TBR1: variants seen among roughly 807,000 people sequenced by gnomAD.
The protein encoded by TBR1 is T-box brain protein 1.
A neutral mutation model predicts 60.3 loss-of-function variants in TBR1; 7 were observed. The ratio of observed to expected loss-of-function variants is 0.12; its 90% confidence interval spans 0.07 to 0.22. The LOEUF (loss-of-function observed/expected upper bound fraction) is 0.22, where lower values mean the gene tolerates loss of function less well. Ranked by LOEUF, TBR1 falls within the 10% of genes least tolerant of loss-of-function variation. The pLI is 1.00. For missense variants in TBR1, 616 were observed against 936.8 expected (o/e 0.66, Z 4.47); for synonymous variants, 417 against 409.9 (o/e 1.02, Z -0.21).
At position 161,417,574 on chromosome 2, in the gene TBR1, A is replaced by G; in HGVS notation, c.693-102A>G. On this transcript the variant is annotated intron_variant, in intron 1 of 5. Transcript: ENST00000389554. This position sits in a 1 kb window ranked among gnomAD's most constrained non-coding sequence, Gnocchi z 5.3. ...ATATTCGCCTATTTGCTGCAAGTACAAGTTTTGCTTTGCTAACTGGCGCCC... is the reference window on the plus strand; with the variant it reads ...ATATTCGCCTATTTGCTGCAAGTACGAGTTTTGCTTTGCTAACTGGCGCCC... 1.4e-6 allele frequency: 2 copies of G among 1,413,662 alleles called. No individual in the cohort carries two copies. The highest frequency in any genetic ancestry group is 1.9e-6 in the Non-Finnish European group (2 of 1,040,796). 87.6% of individuals were successfully genotyped at this position (1,413,662 alleles called of 1,614,324 possible).
At chr2:161,420,165 T>C (rs768211070) in intron 4 of TBR1, 31 bp from the exon 5 acceptor site, 1 of 1,588,748 alleles carries the variant, frequency 6.3e-7, no homozygotes, top group Non-Finnish European at 8.6e-7. Flanking sequence ...GTATAAAAGG[T>C]GAGATAACAT....
chr2:161,419,197 TC>T, intron 4 of TBR1, 147 bp downstream of exon 4: 3 of 1,191,466 alleles, frequency 2.5e-6, no homozygotes, highest in Non-Finnish European at 3.5e-6. Context: ...GGCTTAGGGC[TC>T]GGGGCCTGCC....
At position 161,417,249 on chromosome 2, in the gene TBR1, T is replaced by A. The variant is rs1684139374; in HGVS notation, c.692+147T>A. ...TGGCTAGTTTTGGAAAGGGGGAAAG[T>A]GGAAGGGATAACCGCCAGGGTGATG... On this transcript the variant is annotated intron_variant, in intron 1 of 5. Transcript: ENST00000389554. The surrounding 1 kb of genome is among the most constrained non-coding windows in gnomAD (Gnocchi z 5.3). 7.5e-6 allele frequency: 6 copies of A among 803,792 alleles called. No individual in the cohort carries two copies. The South Asian group carries it at 1.1e-4, about 15-fold the overall frequency. The allele number at this position is 803,792 out of a possible 1,614,324, so 49.8% of individuals were successfully genotyped here. A position where few individuals can be genotyped will look rare whatever the true frequency, so the allele number is the denominator to read the frequency against.
Position 161,425,727 on chromosome 2 carries a change from ATGT to A in TBR1, c.*1504_*1506del, listed in dbSNP as rs1347005474. 1 of 152,144 alleles carries A rather than the reference ATGT, an allele frequency of 6.6e-6. No individual in the cohort carries two copies. The highest frequency in any genetic ancestry group is 1.5e-5 in the Non-Finnish European group (1 of 68,026). The allele number at this position is 152,144 out of a possible 1,614,324, so 9.4% of individuals were successfully genotyped here. On this transcript the variant is annotated 3_prime_UTR_variant, in exon 6 of 6. Coordinates refer to ENST00000389554, the MANE Select transcript of TBR1 (RefSeq NM_006593.4). The stretch of plus-strand genomic sequence containing the variant: ...ATATTTTGGCTCTTCTGTAAATCTA[ATGT>A]TGTGATTTTTATATTTGTTTCGTTT...
rs1416425334 is a variant in TBR1 at position 161,424,074 on chromosome 2, C to T, written c.1896C>T (p.Tyr632=). ...TCGACTCCAGCGACTCGGGGATTTA[C>T]GAGCAGGCCAAGCGGAGGCGGATCT... ...KSIDSSDSGI[Y]EQAKRRRISP... Residue 632 remains tyrosine, a synonymous_variant, in exon 6 of 6, where the codon TAC becomes TAT. Coordinates refer to ENST00000389554, the MANE Select transcript of TBR1 (RefSeq NM_006593.4). This position sits in a 1 kb window ranked among gnomAD's most constrained non-coding sequence, Gnocchi z 4.4. 5 of 1,611,116 alleles carry T rather than the reference C, an allele frequency of 3.1e-6. No homozygotes were observed. The highest frequency in any genetic ancestry group is 4.2e-6 in the Non-Finnish European group (5 of 1,179,016).
chr2:161,416,972 C>G lies in TBR1; in HGVS notation c.562C>G (p.Pro188Ala). The change falls in exon 1 of 6, where the codon CCG becomes GCG. Residue 188 changes from proline to alanine, a missense_variant. This residue lies in a region of TBR1 where 211 missense variants were observed against 268.7 expected (regional missense o/e 0.79). Coordinates refer to ENST00000389554, the MANE Select transcript of TBR1 (RefSeq NM_006593.4). This position sits in a 1 kb window ranked among gnomAD's most constrained non-coding sequence, Gnocchi z 6.1. ...GTACGGCCACTCCTACCAAGGAGCT[C>G]CGTTCTACCAGTTCTCCTCCACCCA... ...QQYGHSYQGA[P>A]FYQFSSTQPG... The G allele has an allele frequency of 6.2e-7, 1 of 1,614,210 alleles. No homozygotes were observed. The highest frequency in any genetic ancestry group is 8.5e-7 in the Non-Finnish European group (1 of 1,180,046).
intron 2 of TBR1, 182 bp from the exon 3 acceptor site, chr2:161,418,019 A>G: frequency 1.4e-6 from 2 of 1,449,998 alleles, no homozygotes; most frequent in Non-Finnish European, 1.8e-6. Flanking sequence ...TATTTTAATC[A>G]CCCCCAGTTA....
rs1684142803 is a variant in TBR1 at position 161,417,492 on chromosome 2, C to T, written c.693-184C>T. On this transcript the variant is annotated intron_variant, in intron 1 of 5. Coordinates refer to ENST00000389554, the MANE Select transcript of TBR1 (RefSeq NM_006593.4). This position sits in a 1 kb window ranked among gnomAD's most constrained non-coding sequence, Gnocchi z 5.3. ...CCCACTCCAGCTCACCCGCCGCTCT[C>T]CCTGATTTGGGTTGCACTTCTTTTC... The T allele has an allele frequency of 1.3e-6, 1 of 784,388 alleles. No individual in the cohort carries two copies. 48.6% of individuals were successfully genotyped at this position (784,388 alleles called of 1,614,324 possible).
Position 161,416,767 on chromosome 2 carries a change from T to A in TBR1, c.357T>A (p.Ala119=). The A allele has an allele frequency of 6.2e-7, 1 of 1,614,092 alleles. No individual in the cohort carries two copies. The highest frequency in any genetic ancestry group is 8.5e-7 in the Non-Finnish European group (1 of 1,180,020). ...GCCAGCCACAGTCTGCGGCCACTGC[T>A]CCCAGTGCCATGTTCCCGTACCCCG... is the stretch of plus-strand genomic sequence containing the variant. ...QSSQPQSAAT[A]PSAMFPYPGQ... The change falls in exon 1 of 6, where the codon GCT becomes GCA. Residue 119 remains alanine (A), a synonymous_variant. Transcript: ENST00000389554. This position sits in a 1 kb window ranked among gnomAD's most constrained non-coding sequence, Gnocchi z 6.1.
rs1684179890 is a variant in TBR1, at chr2:161,418,906, G to A, written c.984G>A (p.Gln328=). 6.2e-7 allele frequency: 1 copy of A among 1,613,832 alleles called. No homozygotes were observed. Among genetic ancestry groups the A allele is most frequent in the African/African-American group, 1.3e-5 (1 of 74,904 alleles). ...CCGCCGGACAGATGGTGGTTTTACAGTCCTTGCACAAGTACCAGCCCCGCC... is the reference window on the plus strand; with the variant it reads ...CCGCCGGACAGATGGTGGTTTTACAATCCTTGCACAAGTACCAGCCCCGCC... The part of the protein sequence containing the change: ...SNNNGQMVVL[Q]SLHKYQPRLH... Residue 328 remains glutamine (Q), a synonymous_variant, in exon 4 of 6, where the codon CAG becomes CAA. Transcript: ENST00000389554.
chr2:161,418,131 T>C (rs1684163918), intron 2 of TBR1, 70 bp from the exon 3 acceptor site: 2 of 1,528,628 alleles, frequency 1.3e-6, no homozygotes, highest in East Asian at 2.3e-5. Flanking sequence ...TGTGTGTGTG[T>C]CCTACGTGGT....
At position 161,423,597 on chromosome 2, in the gene TBR1, C is replaced by T. The variant is rs1235590342; in HGVS notation, c.1419C>T (p.Ala473=). 1.3e-6 allele frequency: 2 copies of T among 1,536,468 alleles called. No homozygotes were observed. The highest frequency in any genetic ancestry group is 1.8e-4 in the Middle Eastern group (1 of 5,708). The part of the protein sequence containing the change: ...HTNGLLSPQQ[A]EDPGAPSPQR... ...ACGGGCTGCTGTCGCCGCAGCAGGC[C>T]GAGGACCCGGGCGCGCCCTCGCCGC... The change falls in exon 6 of 6, where the codon GCC becomes GCT. Residue 473 remains alanine (A), a synonymous_variant. Transcript: ENST00000389554.
rs1372160067 is a variant in TBR1, at chr2:161,416,995, C to A, written c.585C>A (p.Thr195=). 6.2e-7 allele frequency: 1 copy of A among 1,614,074 alleles called. No homozygotes were observed. The highest frequency in any genetic ancestry group is 1.3e-5 in the African/African-American group (1 of 74,954). ...QGAPFYQFSS[T]QPGLVPGKAQ... ...CTCCGTTCTACCAGTTCTCCTCCAC[C>A]CAGCCGGGGCTGGTGCCCGGCAAAG... is the stretch of plus-strand genomic sequence containing the variant. Residue 195 remains threonine (T), a synonymous_variant, in exon 1 of 6, where the codon ACC becomes ACA. Coordinates refer to ENST00000389554, the MANE Select transcript of TBR1 (RefSeq NM_006593.4). This position sits in a 1 kb window ranked among gnomAD's most constrained non-coding sequence, Gnocchi z 6.1.
intron 3 of TBR1, 142 bp downstream of exon 3, chr2:161,418,464 C>T: frequency 8.0e-7 from 1 of 1,245,536 alleles, no homozygotes; most frequent in Non-Finnish European, 1.1e-6. Flanking sequence ...TATTTCCACC[C>T]TCCAAATTTA....
At position 161,424,342 on chromosome 2, in the gene TBR1, A is replaced by G; in HGVS notation, c.*115A>G. ...CTTGCGCACCCACTCATTTTATTTG[A>G]CCCTCGATGGCCGTCTGCAGCGAAT... On this transcript the variant is annotated 3_prime_UTR_variant, in exon 6 of 6. Transcript: ENST00000389554. This position sits in a 1 kb window ranked among gnomAD's most constrained non-coding sequence, Gnocchi z 4.4. The G allele has an allele frequency of 8.4e-7, 1 of 1,194,366 alleles. No homozygotes were observed. Among genetic ancestry groups the G allele is most frequent in the African/African-American group, 1.5e-5 (1 of 64,968 alleles). 74.0% of individuals were successfully genotyped at this position (1,194,366 alleles called of 1,614,324 possible).
At position 161,421,477 on chromosome 2, in the gene TBR1, AG is replaced by A; in HGVS notation, c.1190+1222del. 2.0e-5 allele frequency: 3 copies of A among 152,354 alleles called. 1 individual carries two copies. Among genetic ancestry groups the A allele is most frequent in the Middle Eastern group, 3.4e-3 (1 of 294 alleles). The allele number at this position is 152,354 out of a possible 1,614,324, so 9.4% of individuals were successfully genotyped here. A position where few individuals can be genotyped will look rare whatever the true frequency, so the allele number is the denominator to read the frequency against. ...CTACTCTATTCCTCACAATCTAAAA[AG>A]GTGTGCCCAGCACAGTGGAAAGTAT... On this transcript the variant is annotated intron_variant, in intron 5 of 5. Coordinates refer to ENST00000389554, the MANE Select transcript of TBR1 (RefSeq NM_006593.4).
chr2:161,418,595 GT>G (rs1230433422), intron 3 of TBR1: 5 of 545,424 alleles, frequency 9.2e-6, no homozygotes, highest in Non-Finnish European at 1.6e-5. Flanking sequence ...AGATCTGCAG[GT>G]TGTGGAAATC....
chr2:161,423,499 G>A lies in TBR1; in HGVS notation c.1321G>A (p.Ala441Thr). 1.9e-6 allele frequency: 3 copies of A among 1,598,746 alleles called. No homozygotes were observed. The highest frequency in any genetic ancestry group is 3.3e-4 in the Middle Eastern group (2 of 6,030). Residue 441 changes from alanine (A) to threonine (T), a missense_variant, in exon 6 of 6, where the codon GCC becomes ACC. By Grantham distance (58) the Ala-to-Thr change is moderately conservative. This residue lies in a region of TBR1 where 80 missense variants were observed against 75.3 expected (regional missense o/e 1.06). Coordinates refer to ENST00000389554, the MANE Select transcript of TBR1 (RefSeq NM_006593.4). ...FLQDQFVSNY[A>T]KARFHPGAGA... is the part of the protein sequence containing the mutation. ...GCAGGACCAGTTCGTGAGCAACTAC[G>A]CCAAGGCCCGCTTCCACCCGGGCGC...
chr2:161,418,665 C>T (rs2105279512), intron 3 of TBR1: 1 of 617,390 alleles, frequency 1.6e-6, no homozygotes, highest in Non-Finnish European at 2.7e-6. Flanking sequence ...CGGTCGGCTT[C>T]CCCCTTTTTT....
Sources: allele counts gnomAD v4.1 joint callset, GRCh38; gene constraint gnomAD v4.1.1; regional missense constraint gnomAD v4.1.1; non-coding constraint Gnocchi (gnomAD v3.1); transcripts MANE v1.5; gene names NCBI Gene and HGNC (gene_info 2026-07-23, HGNC 2026-07-21).